MORC1: variants seen among roughly 807,000 people sequenced by gnomAD.
The protein encoded by MORC1 is MORC family CW-type zinc finger 1.
MORC1 carries 59 observed loss-of-function variants against 134.9 expected under a neutral mutation model. That is an observed-to-expected ratio of 0.44 (90% CI 0.35 to 0.54). MORC1 has a LOEUF of 0.54. Among genes scored for constraint, MORC1 ranks in the 20% least tolerant of loss-of-function variants. The pLI, the probability that MORC1 is intolerant of heterozygous loss-of-function variation, is 0.00. For synonymous variants in MORC1, 395 were observed against 391.7 expected, an observed-to-expected ratio of 1.01 and a Z score of -0.10; for missense variants, 947 against 1,134.5, an observed-to-expected ratio of 0.83 and a Z score of 2.37.
At chr3:109,036,311 A>G (rs1027104872) in intron 14 of MORC1, among the ~76,000 whole-genome samples, 1 of 152,150 alleles carries the variant, frequency 6.6e-6, no homozygotes. Flanking sequence ...TCCCTAGTGT[A>G]ATCACTTTAT....
chr3:109,114,519 C>A, intron 1 of MORC1, 82 bp from the exon 2 acceptor site: 1 of 1,213,756 alleles, frequency 8.2e-7, no homozygotes. Flanking sequence ...TGCAGACAAA[C>A]GTTCTCCAGT....
chr3:108,993,165 G>A (rs1188443669), intron 21 of MORC1, among the ~76,000 whole-genome samples: 1 of 152,158 alleles, frequency 6.6e-6, no homozygotes, highest in Non-Finnish European at 1.5e-5. Flanking sequence ...TCATGGTGTT[G>A]TAAAACTGTC....
At chr3:109,059,772 A>G (rs777499783) in intron 12 of MORC1, 34 bp downstream of exon 12, 6 of 1,591,112 alleles carry the variant, frequency 3.8e-6, no homozygotes, top group Non-Finnish European at 5.2e-6. Context: ...CAGAGTACAG[A>G]GGATTCCTGC....
chr3:109,001,781 C>A (rs915612825), intron 20 of MORC1, among the ~76,000 whole-genome samples: 5 of 152,306 alleles, frequency 3.3e-5, no homozygotes, highest in Admixed American at 6.5e-5. Context: ...AAATACCTCA[C>A]AAGACTGTCT....
chr3:108,976,049 A>G (rs1947544023), intron 24 of MORC1, among the ~76,000 whole-genome samples: 1 of 152,208 alleles, frequency 6.6e-6, no homozygotes, highest in African/African-American at 2.4e-5. Context: ...GTTTTCAAAG[A>G]TGTTACTTTA....
chr3:109,006,779 A>G (rs1198896774), intron 18 of MORC1, among the ~76,000 whole-genome samples: 1 of 152,204 alleles, frequency 6.6e-6, no homozygotes, highest in Non-Finnish European at 1.5e-5. Flanking sequence ...AAAGAAATAC[A>G]TTATTTAAAA....
chr3:109,097,687 T>C (rs1276746717), intron 6 of MORC1, among the ~76,000 whole-genome samples: 1 of 152,014 alleles, frequency 6.6e-6, no homozygotes, highest in Non-Finnish European at 1.5e-5. Context: ...GTTAACACAG[T>C]GACACGAACA....
chr3:109,007,900 T>A (rs1406021330), intron 17 of MORC1, among the ~76,000 whole-genome samples: 1 of 152,104 alleles, frequency 6.6e-6, no homozygotes, highest in Admixed American at 6.6e-5. Flanking sequence ...CGCTTAATCT[T>A]TCTGGAGATG....
intron 25 of MORC1, 26 bp from the exon 26 acceptor site, chr3:108,969,748 A>T (rs1231406140): frequency 1.9e-6 from 3 of 1,604,860 alleles, no homozygotes; most frequent in Non-Finnish European, 1.7e-6. Context: ...ATAATAGAAC[A>T]GGATATTAGC....
intron 8 of MORC1, among the ~76,000 whole-genome samples, chr3:109,078,608 A>G (rs2107728227): frequency 6.6e-6 from 1 of 152,040 alleles, no homozygotes; most frequent in African/African-American, 2.4e-5. Context: ...TTTAAAGTCA[A>G]TGAATAAAAC....
In MORC1 at chr3:109,067,534, A is replaced by T. The variant is rs977185287; in HGVS notation, c.815+2098T>A. ...CTCAATTTACTAAAACTCCCTCAGA[A>T]AATAGAGACAAATCCACATTTTCCA... is the stretch of plus-strand genomic sequence containing the variant. On this transcript the variant is annotated intron_variant, in intron 9 of 27. Coordinates refer to ENST00000232603, the MANE Select transcript of MORC1 (RefSeq NM_014429.4). 2.0e-5 allele frequency among the ~76,000 whole-genome samples: 3 copies of T among 152,300 alleles called. No homozygotes were observed. The East Asian group carries it at 5.8e-4, about 29-fold the overall frequency.
At chr3:109,053,893 T>C (rs1171267487) in intron 14 of MORC1, among the ~76,000 whole-genome samples, 6 of 152,222 alleles carry the variant, frequency 3.9e-5, no homozygotes, top group Admixed American at 2.6e-4. Context: ...CTAAAGTTTA[T>C]CTTTTTAAGT....
At chr3:109,108,566 T>C (rs539379814) in intron 3 of MORC1, among the ~76,000 whole-genome samples, 2 of 152,006 alleles carry the variant, frequency 1.3e-5, no homozygotes, top group Non-Finnish European at 2.9e-5. Flanking sequence ...CAGACTCTCT[T>C]GTAAGGTATT....
intron 23 of MORC1, among the ~76,000 whole-genome samples, chr3:108,983,377 A>T (rs183586237): frequency 6.6e-5 from 10 of 151,548 alleles, no homozygotes; most frequent in Admixed American, 6.6e-4. Flanking sequence ...AGCTAAAATT[A>T]AAAAATGGTA....
At position 109,041,392 on chromosome 3, in the gene MORC1, GTC is replaced by G. The variant is rs564499393; in HGVS notation, c.1331-5926_1331-5925del. Among the ~76,000 whole-genome samples, 46 of 152,030 alleles carry G rather than the reference GTC, an allele frequency of 3.0e-4. 1 individual carries two copies. Among genetic ancestry groups the G allele is most frequent in the African/African-American group, 1.0e-3 (42 of 41,484 alleles). ...TTTAATACAGAATAATGAAAACTAA[GTC>G]TAATGAACAACAACAAAAAAATATT... On this transcript the variant is annotated intron_variant, in intron 14 of 27. Transcript: ENST00000232603.
chr3:108,996,374 C>T (rs563028563), intron 21 of MORC1, among the ~76,000 whole-genome samples: 1 of 152,132 alleles, frequency 6.6e-6, no homozygotes, highest in Non-Finnish European at 1.5e-5. Context: ...ACCCTAGTTA[C>T]CCTAAAATGG....
At chr3:109,085,894 C>A (rs889594740) in intron 8 of MORC1, among the ~76,000 whole-genome samples, 6 of 151,980 alleles carry the variant, frequency 3.9e-5, no homozygotes, top group Non-Finnish European at 7.4e-5. Context: ...ATATACACAA[C>A]AGAATACTAC....
intron 21 of MORC1, among the ~76,000 whole-genome samples, chr3:108,990,083 G>A (rs748894268): frequency 2.0e-5 from 3 of 152,090 alleles, no homozygotes; most frequent in Non-Finnish European, 2.9e-5. Flanking sequence ...TGTAAGACAT[G>A]CCTTTTCTCC....
intron 9 of MORC1, among the ~76,000 whole-genome samples, chr3:109,066,838 A>AAGT (rs1950208163): frequency 6.6e-6 from 1 of 152,224 alleles, no homozygotes; most frequent in East Asian, 1.9e-4. Flanking sequence ...AGTAATTGCC[A>AAGT]AAGGTCCACA....
Sources: gnomAD v4.1 joint callset for allele counts (sites outside exome capture counted in the v4.1 genomes callset) on GRCh38, gnomAD v4.1.1 for gene constraint, MANE v1.5 for transcripts, NCBI Gene and HGNC (gene_info 2026-07-23, HGNC 2026-07-21) for gene names.